The following HSD17B4 variants were observed in gnomAD, a reference collection of about 807,000 sequenced individuals.
The protein encoded by HSD17B4 is hydroxysteroid 17-beta dehydrogenase 4.
In HSD17B4, 70 loss-of-function variants were observed where a neutral mutation model predicts 101.0. That is an observed-to-expected ratio of 0.69 (90% confidence interval 0.57 to 0.85). The LOEUF is 0.85. HSD17B4 is among the 40% of genes least tolerant of loss of function. The probability of loss-of-function intolerance (pLI) is 0.00; values close to 1 mark genes in which losing one functional copy is unlikely to be tolerated. For synonymous variants in HSD17B4, 347 were observed against 297.1 expected (o/e 1.17, Z -1.73); for missense variants, 984 against 892.4 (o/e 1.10, Z -1.31).
At chr5:119,517,364 A>G (rs1752717663) in intron 17 of HSD17B4, among the ~76,000 whole-genome samples, 1 of 152,210 alleles carries the variant, frequency 6.6e-6, no homozygotes, top group African/African-American at 2.4e-5. Flanking sequence ...CGGGACCTGC[A>G]GCCCGCCATG....
chr5:119,491,365 T>A (rs1330242011), intron 9 of HSD17B4, among the ~76,000 whole-genome samples: 1 of 152,062 alleles, frequency 6.6e-6, no homozygotes, highest in Non-Finnish European at 1.5e-5. Flanking sequence ...ATTTCTTCTA[T>A]CATATGCATA....
In HSD17B4 at chr5:119,541,887, T is replaced by C. The variant is rs757933660; in HGVS notation, c.2122-18T>C. 6.6e-7 allele frequency: 1 copy of C among 1,520,234 alleles called. No homozygotes were observed. The highest frequency in any genetic ancestry group is 9.1e-7 in the Non-Finnish European group (1 of 1,095,110). The allele number at this position is 1,520,234 out of a possible 1,614,324, so 94.2% of individuals were successfully genotyped here. ...ACATGGTAACAGTTGGCACTCTTTTTCCCTCCTCTCCTTGCAGGCATTCTT... is the reference window on the plus strand; with the variant it reads ...ACATGGTAACAGTTGGCACTCTTTTCCCCTCCTCTCCTTGCAGGCATTCTT... On this transcript the variant is annotated intron_variant, in intron 23 of 23. Coordinates refer to ENST00000510025, the MANE Select transcript of HSD17B4 (RefSeq NM_000414.4).
intron 8 of HSD17B4, among the ~76,000 whole-genome samples, chr5:119,480,975 C>T (rs1170704247): frequency 1.3e-5 from 2 of 152,152 alleles, no homozygotes; most frequent in African/African-American, 4.8e-5. Context: ...TCTCTTATTC[C>T]CCGAACAATT....
intron 11 of HSD17B4, 85 bp from the exon 12 acceptor site, chr5:119,496,458 G>A: frequency 1.2e-6 from 1 of 802,112 alleles, no homozygotes; most frequent in South Asian, 1.4e-5. Context: ...AATGTTATAG[G>A]AATAATTATG....
At chr5:119,480,445 G>T (rs1019395487) in intron 8 of HSD17B4, among the ~76,000 whole-genome samples, 6 of 152,062 alleles carry the variant, frequency 3.9e-5, no homozygotes, top group African/African-American at 1.4e-4. Context: ...TGCCCCACAA[G>T]CCACAAAAAC....
At chr5:119,516,730 C>T (rs1752643540) in intron 17 of HSD17B4, among the ~76,000 whole-genome samples, 1 of 152,122 alleles carries the variant, frequency 6.6e-6, no homozygotes, top group African/African-American at 2.4e-5. Flanking sequence ...ATAAGAAATA[C>T]AAGTCAATTA....
intron 2 of HSD17B4, among the ~76,000 whole-genome samples, chr5:119,472,972 C>T (rs891080430): frequency 2.0e-5 from 3 of 152,120 alleles, no homozygotes; most frequent in African/African-American, 7.2e-5. Flanking sequence ...TTTTTAAATG[C>T]AGAATTACGT....
intron 2 of HSD17B4, among the ~76,000 whole-genome samples, chr5:119,460,702 CAG>C (rs1285279111): frequency 1.3e-5 from 2 of 152,164 alleles, no homozygotes; most frequent in Non-Finnish European, 2.9e-5. Context: ...GGGAATAAAA[CAG>C]AGTCCCTACT....
At chr5:119,453,582 A>G (rs1754297314) in intron 1 of HSD17B4, among the ~76,000 whole-genome samples, 1 of 152,228 alleles carries the variant, frequency 6.6e-6, no homozygotes, top group Non-Finnish European at 1.5e-5. Context: ...ATACCTGGAA[A>G]GGCCCTAATG....
In HSD17B4 at chr5:119,452,892, T is replaced by G. The variant is rs971186431; in HGVS notation, c.58+259T>G. On this transcript the variant is annotated intron_variant, in intron 1 of 23. Coordinates refer to ENST00000510025, the MANE Select transcript of HSD17B4 (RefSeq NM_000414.4). ...TCCTGCCTGAGAGGAGAGGCCAGGC[T>G]GGGCTGCTGATTGCAAAACTGGGTG... 7 of 1,521,436 alleles carry G rather than the reference T, an allele frequency of 4.6e-6. No individual in the cohort carries two copies. The African/African-American group carries it at 9.6e-5, about 21-fold the overall frequency. The allele number at this position is 1,521,436 out of a possible 1,614,324, so 94.2% of individuals were successfully genotyped here.
intron 3 of HSD17B4, 76 bp from the exon 4 acceptor site, chr5:119,474,325 A>G (rs1748357545): frequency 8.0e-6 from 7 of 871,434 alleles, no homozygotes; most frequent in Non-Finnish European, 1.4e-5. Flanking sequence ...TTTGTCGTGT[A>G]CTCTGACCCA....
At chr5:119,458,963 A>G (rs755851640) in intron 2 of HSD17B4, among the ~76,000 whole-genome samples, 1 of 152,238 alleles carries the variant, frequency 6.6e-6, no homozygotes, top group Non-Finnish European at 1.5e-5. Flanking sequence ...GACAAAAAGG[A>G]GCAAAAAGAA....
chr5:119,457,731 C>G (rs919141941), intron 2 of HSD17B4, among the ~76,000 whole-genome samples: 18 of 152,108 alleles, frequency 1.2e-4, no homozygotes, highest in African/African-American at 4.3e-4. Context: ...TTATTTACAT[C>G]TTTTCTGCTC....
rs922307077 is a variant in HSD17B4, at chr5:119,493,765, CTTT to C, written c.740-52_740-50del. 27 of 1,565,020 alleles carry C rather than the reference CTTT, an allele frequency of 1.7e-5. No homozygotes were observed. In the Admixed American group the frequency reaches 4.5e-4, roughly 26 times the overall value. On this transcript the variant is annotated intron_variant, in intron 10 of 23. Transcript: ENST00000510025. ...AATGAAAGGGTTCTTATGCATCTTA[CTTT>C]CTGTCTCTCAACTATGTGCTCAGTA...
intron 2 of HSD17B4, among the ~76,000 whole-genome samples, chr5:119,466,462 T>A (rs1371651962): frequency 4.1e-4 from 62 of 152,190 alleles, no homozygotes; most frequent in Admixed American, 3.9e-3. Flanking sequence ...TTGGGAGACT[T>A]TTTATACCCG....
At chr5:119,492,271 C>T in intron 10 of HSD17B4, 147 bp downstream of exon 10, 1 of 727,280 alleles carries the variant, frequency 1.4e-6, no homozygotes, top group Non-Finnish European at 2.5e-6. Context: ...GCTATAGCAA[C>T]AGGTATTTTT....
chr5:119,527,133 G>C lies in HSD17B4; in HGVS notation c.1681G>C (p.Ala561Pro), dbSNP rs201966018. The change falls in exon 20 of 24, where the codon GCT (alanine) becomes CCT (proline). Residue 561 changes from alanine (A) to proline (P), a missense_variant and splice_region_variant. Physicochemically the swap from Ala to Pro is conservative, Grantham distance 27. Transcript: ENST00000510025. ...NDVSRFKAIK[A>P]RFAKPVYPGQ... ...TTAACCCCACAATTCTTTTTTAAAGGCTCGTTTTGCAAAACCAGTATATCC... is the reference window on the plus strand; with the variant it reads ...TTAACCCCACAATTCTTTTTTAAAGCCTCGTTTTGCAAAACCAGTATATCC... 1 of 1,574,026 alleles carries C rather than the reference G, an allele frequency of 6.4e-7. No individual in the cohort carries two copies. Among genetic ancestry groups the C allele is most frequent in the Non-Finnish European group, 8.7e-7 (1 of 1,144,590 alleles).
rs139713802 is a variant in HSD17B4, at chr5:119,484,693, A to G, written c.623-4499A>G. Among the ~76,000 whole-genome samples the G allele has an allele frequency of 5.3e-3, 808 of 152,298 alleles. 10 individuals carry two copies. Among genetic ancestry groups the G allele is most frequent in the African/African-American group, 0.018 (765 of 41,582 alleles). ...GGAACACAAATACTTATGGTACCAT[A>G]TATTTTCCACATTTGAACTAACATT... On this transcript the variant is annotated intron_variant, in intron 8 of 23. Transcript: ENST00000510025.
chr5:119,526,151 T>C lies in HSD17B4; in HGVS notation c.1680+128T>C, dbSNP rs181212910. On this transcript the variant is annotated intron_variant, in intron 19 of 23. Transcript: ENST00000510025. The stretch of plus-strand genomic sequence containing the variant: ...AGCAATGTACATTTTTATTATTTCA[T>C]TGACCTGGCAATCAGCACACTTTCT... The C allele has an allele frequency of 3.4e-4, 234 of 682,270 alleles. 1 individual carries two copies. The highest frequency in any genetic ancestry group is 7.8e-4 in the Middle Eastern group (2 of 2,558). The allele number at this position is 682,270 out of a possible 1,614,324, so 42.3% of individuals were successfully genotyped here. A position where few individuals can be genotyped will look rare whatever the true frequency, so the allele number is the denominator to read the frequency against.
Sources: allele counts gnomAD v4.1 joint callset (sites outside exome capture counted in the v4.1 genomes callset), GRCh38; gene constraint gnomAD v4.1.1; transcripts MANE v1.5; gene names NCBI Gene and HGNC (gene_info 2026-07-23, HGNC 2026-07-21).